The following ABCC4 variants were observed in gnomAD, a reference collection of about 807,000 sequenced individuals.
The protein encoded by ABCC4 is ATP-binding cassette sub-family C member 4.
Under a neutral mutation model 168.5 loss-of-function variants are expected in ABCC4, and 102 were observed. The observed-to-expected ratio is 0.61, with a 90% CI of 0.52 to 0.71. The LOEUF (loss-of-function observed/expected upper bound fraction) is 0.71. Among genes scored for constraint, ABCC4 ranks in the 30% least tolerant of loss-of-function variants. ABCC4 has a pLI of 0.00. For missense variants in ABCC4, 1,402 were observed against 1,605.8 expected (o/e 0.87, Z 2.17); for synonymous variants, 617 against 590.7 (o/e 1.04, Z -0.65).
chr13:95,300,551 G>T (rs890197359), intron 1 of ABCC4, among the ~76,000 whole-genome samples: 1 of 152,118 alleles, frequency 6.6e-6, no homozygotes, highest in African/African-American at 2.4e-5. Flanking sequence ...GACCCACATG[G>T]ACACACAGTG....
At chr13:95,038,119 G>A (rs926923259) in intron 29 of ABCC4, among the ~76,000 whole-genome samples, 1 of 152,054 alleles carries the variant, frequency 6.6e-6, no homozygotes, top group African/African-American at 2.4e-5. Context: ...GCTTCCCAAA[G>A]TGCTGGGATT....
chr13:95,299,156 G>T (rs530681998), intron 1 of ABCC4, among the ~76,000 whole-genome samples: 1 of 151,868 alleles, frequency 6.6e-6, no homozygotes, highest in East Asian at 1.9e-4. Context: ...CTACTCGGGA[G>T]GCTGAGGCAG....
intron 1 of ABCC4, among the ~76,000 whole-genome samples, chr13:95,295,587 G>A (rs2041509181): frequency 6.6e-6 from 1 of 151,996 alleles, no homozygotes; most frequent in Admixed American, 6.6e-5. Context: ...GAACCCTGGA[G>A]GCAGAGATTG....
chr13:95,063,425 G>A (rs1405959060), intron 25 of ABCC4, among the ~76,000 whole-genome samples: 2 of 145,636 alleles, frequency 1.4e-5, no homozygotes, highest in Non-Finnish European at 2.9e-5. Flanking sequence ...ATATTCTTTG[G>A]TAGAGAAACT....
chr13:95,050,131 G>A (rs945794511), intron 27 of ABCC4, among the ~76,000 whole-genome samples: 4 of 152,174 alleles, frequency 2.6e-5, no homozygotes, highest in African/African-American at 7.2e-5. Flanking sequence ...CACCAGAGTC[G>A]TGGTGCTGAA....
Position 95,264,656 on chromosome 13 carries a change from C to T in ABCC4, c.75-16903G>A, listed in dbSNP as rs907986189. Among the ~76,000 whole-genome samples the T allele has an allele frequency of 5.9e-5, 9 of 151,918 alleles. No individual in the cohort carries two copies. The East Asian group carries it at 1.7e-3, about 29-fold the overall frequency. ...GACAATAAAAGACTGCAGAAGTGTT[C>T]GAGGCTGAAGGATACTAAAGAAATA... On this transcript the variant is annotated intron_variant, in intron 1 of 30. Coordinates refer to ENST00000645237, the MANE Select transcript of ABCC4 (RefSeq NM_005845.5).
chr13:95,142,609 A>G (rs900186093), intron 19 of ABCC4, among the ~76,000 whole-genome samples: 2 of 152,050 alleles, frequency 1.3e-5, no homozygotes, highest in African/African-American at 4.8e-5. Context: ...TAAATTTAAC[A>G]AAAGATCATG....
rs768791698 is a variant in ABCC4 at position 95,021,669 on chromosome 13, C to G, written c.3884G>C (p.Arg1295Thr). The G allele has an allele frequency of 6.2e-7, 1 of 1,602,882 alleles. No individual in the cohort carries two copies. Residue 1295 changes from arginine to threonine, a missense_variant, in exon 31 of 31, where the codon AGA becomes ACA. Arg to Thr is a moderately conservative substitution (Grantham distance 71). Transcript: ENST00000645237. The stretch of plus-strand genomic sequence containing the variant: ...AGTGTGACCAATATGTGGATAATTT[C>G]TTTTGAAGTATACCTAGAAAAAAAA... ...TETAKQVYFK[R>T]NYPHIGHTDH...
chr13:95,277,327 T>C lies in ABCC4; in HGVS notation c.74+23914A>G, dbSNP rs185700165. Among the ~76,000 whole-genome samples, 457 of 152,054 alleles carry C rather than the reference T, an allele frequency of 3.0e-3. 2 individuals are homozygous for C. The highest frequency in any genetic ancestry group is 0.011 in the African/African-American group (441 of 41,472). ...CAGGCACAGTGGCTCACACCTATAA[T>C]CCAAGCACTTTGGGAGGCCAAGGAG... On this transcript the variant is annotated intron_variant, in intron 1 of 30. Transcript: ENST00000645237.
intron 19 of ABCC4, among the ~76,000 whole-genome samples, chr13:95,143,850 T>C (rs1329666322): frequency 6.6e-6 from 1 of 152,234 alleles, no homozygotes. Flanking sequence ...GCAGAAGCAG[T>C]AACATTTACT....
At chr13:95,067,898 C>T (rs1367203711) in intron 25 of ABCC4, among the ~76,000 whole-genome samples, 1 of 152,052 alleles carries the variant, frequency 6.6e-6, no homozygotes, top group East Asian at 1.9e-4. Flanking sequence ...ATTAAATCAA[C>T]CACAAAACCA....
chr13:95,228,850 A>G (rs1477375207), intron 4 of ABCC4, among the ~76,000 whole-genome samples: 1 of 151,534 alleles, frequency 6.6e-6, no homozygotes, highest in Non-Finnish European at 1.5e-5. Flanking sequence ...CCTTGAGCCC[A>G]GGAGTTCGAG....
chr13:95,027,257 CT>C (rs556726476), intron 30 of ABCC4, among the ~76,000 whole-genome samples: 46 of 147,256 alleles, frequency 3.1e-4, no homozygotes, highest in South Asian at 6.5e-4. Context: ...TGTTTTGCAA[CT>C]TTTTTTTTTT....
chr13:95,026,099 T>C (rs73555532), intron 30 of ABCC4, among the ~76,000 whole-genome samples: 9,421 of 151,834 alleles, frequency 0.062, 978 homozygotes, highest in African/African-American at 0.22. Context: ...AATTAGCCAA[T>C]TGTGATGGCG....
At chr13:95,176,223 C>CGGGGGGGGGGGGGGG (rs1491246023) in intron 13 of ABCC4, among the ~76,000 whole-genome samples, 1 of 10,560 alleles carries the variant, frequency 9.5e-5, no homozygotes, top group Non-Finnish European at 5.0e-4. Context: ...AAGCCGAGGG[C>CGGGGGGGGGGGGGGG]AGGGGGGGGG....
intron 8 of ABCC4, among the ~76,000 whole-genome samples, chr13:95,202,257 G>T (rs2038647660): frequency 1.3e-5 from 2 of 152,154 alleles, no homozygotes; most frequent in Admixed American, 1.3e-4. Context: ...AGGGTCTCTG[G>T]CCTGCCAGCT....
chr13:95,208,724 G>T (rs185718601), intron 6 of ABCC4, among the ~76,000 whole-genome samples: 1 of 141,378 alleles, frequency 7.1e-6, no homozygotes, highest in East Asian at 2.2e-4. Flanking sequence ...GGATTCAAGT[G>T]ATTCTCGTGC....
At chr13:95,101,056 G>C (rs1056121122) in intron 20 of ABCC4, among the ~76,000 whole-genome samples, 1 of 152,164 alleles carries the variant, frequency 6.6e-6, no homozygotes, top group African/African-American at 2.4e-5. Flanking sequence ...CAAGTCTTAG[G>C]ATGGCTTTGT....
At chr13:95,299,500 C>A (rs1010523470) in intron 1 of ABCC4, among the ~76,000 whole-genome samples, 2 of 152,090 alleles carry the variant, frequency 1.3e-5, no homozygotes, top group Non-Finnish European at 2.9e-5. Context: ...TCAAGCTTGT[C>A]CAACCTGAGG....
Sources: allele counts gnomAD v4.1 joint callset (sites outside exome capture counted in the v4.1 genomes callset), GRCh38; gene constraint gnomAD v4.1.1; transcripts MANE v1.5; gene names NCBI Gene and HGNC (gene_info 2026-07-23, HGNC 2026-07-21).